Variants in ATP8B1 observed in about 807,000 individuals in gnomAD.
The protein encoded by ATP8B1 is phospholipid-transporting ATPase IC.
ATP8B1 carries 80 observed loss-of-function variants against 149.9 expected under a neutral mutation model. The observed-to-expected ratio is 0.53, with a 90% CI of 0.45 to 0.64. The LOEUF (loss-of-function observed/expected upper bound fraction) is 0.64. Ranked by LOEUF, ATP8B1 falls within the 30% of genes least tolerant of loss-of-function variation. The pLI is 0.00. For missense variants in ATP8B1, 1,247 were observed against 1,552.6 expected, an observed-to-expected ratio of 0.80 and a Z score of 3.31; for synonymous variants, 536 against 562.8, an observed-to-expected ratio of 0.95 and a Z score of 0.67.
At chr18:57,704,469 A>G (rs1239614258) in intron 4 of ATP8B1, 86 bp downstream of exon 4, 1 of 948,262 alleles carries the variant, frequency 1.1e-6, no homozygotes, top group Admixed American at 2.0e-5. Flanking sequence ...AACACTTTCA[A>G]GATTATTCAC....
At chr18:57,697,940 T>A in intron 6 of ATP8B1, 73 bp from the exon 7 acceptor site, 1 of 1,364,944 alleles carries the variant, frequency 7.3e-7, no homozygotes, top group Non-Finnish European at 1.0e-6. Context: ...TCTTTCTGGA[T>A]GTTATAGATT....
At chr18:57,704,714 A>G (rs1913302255) in intron 3 of ATP8B1, 46 bp from the exon 4 acceptor site, 3 of 1,179,902 alleles carry the variant, frequency 2.5e-6, no homozygotes, top group African/African-American at 3.0e-5. Context: ...TGTATTTATC[A>G]CAATGTATAC....
intron 11 of ATP8B1, 141 bp from the exon 12 acceptor site, chr18:57,692,138 A>G (rs1912564539): frequency 1.5e-6 from 2 of 1,359,150 alleles, no homozygotes; most frequent in Admixed American, 4.7e-5. Context: ...TCAAATAAAA[A>G]CAGCACTATC....
At chr18:57,708,931 G>A (rs543859909) in intron 2 of ATP8B1, among the ~76,000 whole-genome samples, 2 of 152,254 alleles carry the variant, frequency 1.3e-5, no homozygotes, top group East Asian at 1.9e-4. Context: ...ATCAGACCTC[G>A]AGTAGGTGCA....
chr18:57,691,694 T>C, intron 12 of ATP8B1, 113 bp downstream of exon 12: 1 of 1,331,452 alleles, frequency 7.5e-7, no homozygotes, highest in Non-Finnish European at 1.0e-6. Flanking sequence ...CGTGATTTTC[T>C]TACCTGTTCT....
rs749127600 is a variant in ATP8B1, at chr18:57,706,493, A to G, written c.276T>C (p.Tyr92=). ...ATTCAGAAAGTTAACAACTCACCGC[A>G]TATTTACTCTCCTTAATACACAAGA... ...TKFLCIKESK[Y]ANNAIKTYKY... Residue 92 remains tyrosine, a synonymous_variant, in exon 3 of 28, where the codon TAT becomes TAC. Transcript: ENST00000648908. 9.7e-5 allele frequency: 156 copies of G among 1,612,284 alleles called. No individual in the cohort carries two copies. Among genetic ancestry groups the G allele is most frequent in the Middle Eastern group, 1.6e-4 (1 of 6,084 alleles).
chr18:57,784,349 G>T lies in ATP8B1; in HGVS notation c.-26+18649C>A, dbSNP rs985342021. On this transcript the variant is annotated intron_variant, in intron 1 of 27. Transcript: ENST00000648908. The surrounding 1 kb of genome is among the most constrained non-coding windows in gnomAD (Gnocchi z 4.4). Reference sequence around the variant, plus strand: ...GAGTGGGTGCTCTGGTTTGGAAGGGGCAGGGTAGAAGTGTAGCCCTCATGT... The same window carrying T: ...GAGTGGGTGCTCTGGTTTGGAAGGGTCAGGGTAGAAGTGTAGCCCTCATGT... 1.3e-5 allele frequency among the ~76,000 whole-genome samples: 2 copies of T among 152,184 alleles called. No homozygotes were observed. Among genetic ancestry groups the T allele is most frequent in the African/African-American group, 4.8e-5 (2 of 41,452 alleles).
intron 19 of ATP8B1, chr18:57,668,108 T>C (rs79089934): frequency 6.7e-6 from 9 of 1,334,204 alleles, no homozygotes; most frequent in Non-Finnish European, 7.9e-6. Flanking sequence ...GTCAAAGCAC[T>C]GGAAGGACAG....
chr18:57,686,954 C>G (rs980641088), intron 13 of ATP8B1, among the ~76,000 whole-genome samples: 1 of 152,214 alleles, frequency 6.6e-6, no homozygotes, highest in Non-Finnish European at 1.5e-5. Flanking sequence ...AGGGATCTTC[C>G]TGCCTCAGTC....
At chr18:57,707,310 A>C (rs961796274) in intron 2 of ATP8B1, among the ~76,000 whole-genome samples, 6 of 152,004 alleles carry the variant, frequency 3.9e-5, no homozygotes, top group African/African-American at 1.5e-4. Context: ...AAACAAACAG[A>C]AAAGAAAAGA....
chr18:57,768,826 G>C (rs1217961008), intron 1 of ATP8B1, among the ~76,000 whole-genome samples: 1 of 152,164 alleles, frequency 6.6e-6, no homozygotes, highest in African/African-American at 2.4e-5. Context: ...CAAGAGAAAG[G>C]CTTAACCCTT....
chr18:57,685,589 A>G (rs558917941), intron 13 of ATP8B1, among the ~76,000 whole-genome samples: 6 of 152,210 alleles, frequency 3.9e-5, no homozygotes, highest in African/African-American at 9.6e-5. Flanking sequence ...CTAAATTTAC[A>G]TAAAATTAAA....
intron 2 of ATP8B1, among the ~76,000 whole-genome samples, chr18:57,728,934 G>T (rs1346339322): frequency 6.6e-6 from 1 of 151,970 alleles, no homozygotes; most frequent in Non-Finnish European, 1.5e-5. Flanking sequence ...TGGCCAGGCT[G>T]GTCTCGAACT....
chr18:57,662,467 C>T lies in ATP8B1; in HGVS notation c.2418+16G>A, dbSNP rs368726807. 93 of 1,613,850 alleles carry T rather than the reference C, an allele frequency of 5.8e-5. 1 individual carries two copies. Among genetic ancestry groups the T allele is most frequent in the African/African-American group, 5.6e-4 (42 of 74,906 alleles). ...TTCTTTTGAGTTAAAGGCACAGATA[C>T]ACTAATGATACGTACCAACCAAGAA... On this transcript the variant is annotated intron_variant, in intron 21 of 27. Coordinates refer to ENST00000648908, the MANE Select transcript of ATP8B1 (RefSeq NM_001374385.1).
rs116452102 is a variant in ATP8B1 at position 57,729,372 on chromosome 18, G to A, written c.181+2255C>T. Among the ~76,000 whole-genome samples, 736 of 152,172 alleles carry A rather than the reference G, an allele frequency of 4.8e-3. 11 individuals are homozygous for A. The highest frequency in any genetic ancestry group is 0.016 in the African/African-American group (666 of 41,506). On this transcript the variant is annotated intron_variant, in intron 2 of 27. Transcript: ENST00000648908. ...TAGGAGACTAAGCAGTGCAATTAGC[G>A]GGGAAAGGAATGAGGAAGAAGCATG... is the stretch of plus-strand genomic sequence containing the variant.
At chr18:57,736,346 G>T (rs1173439868) in intron 1 of ATP8B1, among the ~76,000 whole-genome samples, 2 of 150,556 alleles carry the variant, frequency 1.3e-5, no homozygotes, top group Non-Finnish European at 3.0e-5. Context: ...GTCTATTTTT[G>T]TTGTTGTTGT....
At chr18:57,668,752 T>C (rs1911052277) in intron 18 of ATP8B1, 2 of 509,998 alleles carry the variant, frequency 3.9e-6, no homozygotes, top group African/African-American at 1.9e-5. Flanking sequence ...CCCTAAAGGA[T>C]GAACTATTTA....
intron 1 of ATP8B1, among the ~76,000 whole-genome samples, chr18:57,758,670 GAT>G (rs1440958114): frequency 6.0e-5 from 8 of 133,206 alleles, no homozygotes; most frequent in African/African-American, 2.0e-4. Flanking sequence ...AAAAAAAAAA[GAT>G]AGTTGTATTT....
At chr18:57,685,187 CT>C in intron 13 of ATP8B1, 72 bp from the exon 14 acceptor site, 1 of 1,532,494 alleles carries the variant, frequency 6.5e-7, no homozygotes, top group Non-Finnish European at 9.0e-7. Context: ...CCTGGCTTTG[CT>C]TATATAGTGA....
Sources: gnomAD v4.1 joint callset for allele counts (sites outside exome capture counted in the v4.1 genomes callset) on GRCh38, gnomAD v4.1.1 for gene constraint, Gnocchi (gnomAD v3.1) non-coding constraint, MANE v1.5 for transcripts, NCBI Gene and HGNC (gene_info 2026-07-23, HGNC 2026-07-21) for gene names.